The following PPFIA1 variants were observed in gnomAD, a reference collection of about 807,000 sequenced individuals.
The protein encoded by PPFIA1 is PPFI scaffold protein A1.
A neutral mutation model predicts 149.9 loss-of-function variants in PPFIA1; 25 were observed. The ratio of observed to expected loss-of-function variants is 0.17; its 90% CI spans 0.12 to 0.23. The LOEUF (loss-of-function observed/expected upper bound fraction) is 0.23. Among genes scored for constraint, PPFIA1 ranks in the 10% least tolerant of loss-of-function variants. The pLI is 1.00. For synonymous variants in PPFIA1, 549 were observed against 552.8 expected (o/e 0.99, Z 0.10); for missense variants, 1,362 against 1,506.5 (o/e 0.90, Z 1.59).
intron 4 of PPFIA1, chr11:70,325,242 A>T: frequency 4.6e-6 from 2 of 438,350 alleles, no homozygotes; most frequent in Admixed American, 8.3e-5. Flanking sequence ...TTGTTGCAAA[A>T]GTAATTGTGG....
intron 2 of PPFIA1, among the ~76,000 whole-genome samples, chr11:70,295,062 C>T (rs2051814869): frequency 6.6e-6 from 1 of 152,232 alleles, no homozygotes; most frequent in South Asian, 2.1e-4. Flanking sequence ...TCTCAATGAG[C>T]TGTTGGGTAC....
chr11:70,372,238 C>T lies in PPFIA1; in HGVS notation c.2889C>T (p.Asn963=). The change falls in exon 22 of 28, where the codon AAC becomes AAT. Residue 963 remains asparagine (N), a synonymous_variant. Transcript: ENST00000253925. The part of the protein sequence containing the change: ...SRTTLAYGDM[N]HEWIGNEWLP... Reference sequence around the variant, plus strand: ...AGACACTCGCCTATGGGGACATGAACCACGAGTGGATCGGCAACGAGTGGC... The same window carrying T: ...AGACACTCGCCTATGGGGACATGAATCACGAGTGGATCGGCAACGAGTGGC... The T allele has an allele frequency of 6.2e-7, 1 of 1,614,104 alleles. No individual in the cohort carries two copies. Among genetic ancestry groups the T allele is most frequent in the South Asian group, 1.1e-5 (1 of 91,054 alleles).
intron 2 of PPFIA1, among the ~76,000 whole-genome samples, chr11:70,304,067 T>C (rs1026031277): frequency 6.6e-6 from 1 of 152,074 alleles, no homozygotes; most frequent in Admixed American, 6.6e-5. Flanking sequence ...TAGGCAGGAT[T>C]AGAGGGTTAG....
intron 2 of PPFIA1, among the ~76,000 whole-genome samples, chr11:70,307,556 C>G (rs1464625231): frequency 6.6e-6 from 1 of 152,050 alleles, no homozygotes. Context: ...GGAGATTTCT[C>G]TATATACACC....
chr11:70,369,203 G>T (rs541924704), intron 21 of PPFIA1, among the ~76,000 whole-genome samples: 1 of 152,216 alleles, frequency 6.6e-6, no homozygotes, highest in East Asian at 1.9e-4. Flanking sequence ...CATAAATGAT[G>T]ACAAATCTTG....
At chr11:70,365,470 C>T (rs779652897) in intron 21 of PPFIA1, 11 of 456,428 alleles carry the variant, frequency 2.4e-5, no homozygotes, top group African/African-American at 8.0e-5. Flanking sequence ...CTCCTCCCAG[C>T]GCGTTTTCCA....
intron 2 of PPFIA1, among the ~76,000 whole-genome samples, chr11:70,315,447 C>G (rs571040334): frequency 6.1e-4 from 93 of 152,180 alleles, no homozygotes; most frequent in African/African-American, 2.1e-3. Flanking sequence ...ATCGTGGCAC[C>G]AGGGTTTCAA....
At chr11:70,328,765 A>C (rs1253965380) in intron 7 of PPFIA1, among the ~76,000 whole-genome samples, 1 of 152,052 alleles carries the variant, frequency 6.6e-6, no homozygotes, top group African/African-American at 2.4e-5. Flanking sequence ...CACAATAGCC[A>C]TTCTGACTGG....
chr11:70,351,996 C>A (rs2056082068), intron 16 of PPFIA1, among the ~76,000 whole-genome samples: 1 of 152,164 alleles, frequency 6.6e-6, no homozygotes, highest in African/African-American at 2.4e-5. Context: ...ATGTTGACCC[C>A]AAATCTCTCC....
intron 21 of PPFIA1, chr11:70,364,313 G>A (rs2056810359): frequency 6.6e-6 from 1 of 152,090 alleles, no homozygotes; most frequent in East Asian, 1.9e-4. Context: ...CCTTAAGAAG[G>A]GTTATCCTAC....
chr11:70,282,563 C>T (rs2050826843), intron 2 of PPFIA1, among the ~76,000 whole-genome samples: 1 of 110,326 alleles, frequency 9.1e-6, no homozygotes. Context: ...GAGTCTTGCT[C>T]TGTCACCCAG....
intron 2 of PPFIA1, among the ~76,000 whole-genome samples, chr11:70,274,778 G>T (rs1176808016): frequency 2.0e-5 from 3 of 151,980 alleles, no homozygotes; most frequent in African/African-American, 4.8e-5. Context: ...GAGTGCAGTG[G>T]CATGATCTCG....
intron 2 of PPFIA1, among the ~76,000 whole-genome samples, chr11:70,296,343 G>T (rs575654093): frequency 0.015 from 2,243 of 152,184 alleles, 54 homozygotes; most frequent in African/African-American, 0.052. Context: ...CTGGGAGGTG[G>T]AGGTTGTAGC....
intron 2 of PPFIA1, among the ~76,000 whole-genome samples, chr11:70,315,177 T>A (rs989966039): frequency 6.6e-6 from 1 of 152,220 alleles, no homozygotes; most frequent in Non-Finnish European, 1.5e-5. Flanking sequence ...ACTTTAAAAA[T>A]GTTTATGTAA....
At chr11:70,316,643 C>T (rs561967500) in intron 2 of PPFIA1, among the ~76,000 whole-genome samples, 2 of 150,562 alleles carry the variant, frequency 1.3e-5, no homozygotes, top group East Asian at 3.9e-4. Context: ...GGGGCTACTT[C>T]GAGGCATTGG....
chr11:70,281,586 G>A (rs1038601146), intron 2 of PPFIA1, among the ~76,000 whole-genome samples: 1 of 152,160 alleles, frequency 6.6e-6, no homozygotes, highest in African/African-American at 2.4e-5. Context: ...CTGGCTGACT[G>A]TCAGGCCTGT....
rs758352620 is a variant in PPFIA1, at chr11:70,343,740, A to G, written c.1779A>G (p.Ala593=). The stretch of plus-strand genomic sequence containing the variant: ...GTGTCTTGGCAAATGTAGCACAAGC[A>G]TTCGAGAGTGATGCTGACGTGTCTG... ...QASVLANVAQ[A]FESDADVSDG... The change falls in exon 15 of 28, where the codon GCA becomes GCG. Residue 593 remains alanine, a synonymous_variant. Coordinates refer to ENST00000253925, the MANE Select transcript of PPFIA1 (RefSeq NM_003626.5). The G allele has an allele frequency of 2.5e-6, 4 of 1,614,262 alleles. No homozygotes were observed. The highest frequency in any genetic ancestry group is 3.3e-4 in the Middle Eastern group (2 of 6,062).
In PPFIA1 at chr11:70,374,965, A is replaced by G. The variant is rs1411029962; in HGVS notation, c.3187A>G (p.Ile1063Val). Residue 1063 changes from isoleucine (I) to valine (V), a missense_variant, in exon 24 of 28, where the codon ATT becomes GTT. This residue lies in a region of PPFIA1 where 349 missense variants were observed against 373.3 expected (regional missense o/e 0.93). Transcript: ENST00000253925. ...TCGAGTGATTCGCTGGATCCTGTCA[A>G]TTGGCCTTAAAGAATATGCAAACAA... ...NDRVIRWILSIGLKEYANNLI... is the reference protein window; with the variant it reads ...NDRVIRWILSVGLKEYANNLI... 2.0e-5 allele frequency: 32 copies of G among 1,613,258 alleles called. No homozygotes were observed. The highest frequency in any genetic ancestry group is 6.7e-5 in the Admixed American group (4 of 59,752).
chr11:70,371,461 GTATTCTC>G, intron 21 of PPFIA1: 3 of 4,430 alleles, frequency 6.8e-4, no homozygotes, highest in Non-Finnish European at 1.6e-3. Flanking sequence ...GGCGTGTTCT[GTATTCTC>G]TTGTTGGGTG....
Sources: allele counts gnomAD v4.1 joint callset (sites outside exome capture counted in the v4.1 genomes callset), GRCh38; gene constraint gnomAD v4.1.1; regional missense constraint gnomAD v4.1.1; transcripts MANE v1.5; gene names NCBI Gene and HGNC (gene_info 2026-07-23, HGNC 2026-07-21).